SORT1: variants seen among roughly 807,000 people sequenced by gnomAD.
SORT1 encodes the protein sortilin 1, also known as sortilin.
SORT1 carries 39 observed loss-of-function variants against 101.7 expected under a neutral mutation model. The observed-to-expected ratio is 0.38, with a 90% confidence interval of 0.30 to 0.50. The LOEUF is 0.50. SORT1 is among the 20% of genes least tolerant of loss of function. The pLI is 0.90. For missense variants in SORT1, 878 were observed against 1,040.4 expected, an observed-to-expected ratio of 0.84 and a Z score of 2.15; for synonymous variants, 396 against 393.7, an observed-to-expected ratio of 1.01 and a Z score of -0.07.
At position 109,313,912 on chromosome 1, in the gene SORT1, T is replaced by G. The variant is rs565283574; in HGVS notation, c.*131A>C. Reference sequence around the variant, plus strand: ...TTTCTTTAGTGTAGGTCCTTTTGGCTTTGATGGAAGCAGCAGAAACAGAGC... The same window carrying G: ...TTTCTTTAGTGTAGGTCCTTTTGGCGTTGATGGAAGCAGCAGAAACAGAGC... On this transcript the variant is annotated 3_prime_UTR_variant, in exon 20 of 20. Transcript: ENST00000256637. The G allele has an allele frequency of 1.9e-4, 134 of 693,948 alleles. No homozygotes were observed. Among genetic ancestry groups the G allele is most frequent in the African/African-American group, 1.9e-3 (104 of 54,086 alleles). 43.0% of individuals were successfully genotyped at this position (693,948 alleles called of 1,614,324 possible). A position where few individuals can be genotyped will look rare whatever the true frequency, so the allele number is the denominator to read the frequency against.
intron 8 of SORT1, among the ~76,000 whole-genome samples, chr1:109,345,060 C>T (rs778162971): frequency 2.0e-5 from 3 of 152,138 alleles, no homozygotes; most frequent in South Asian, 2.1e-4. Flanking sequence ...GCAGGAAATT[C>T]ATCTGTTTTG....
chr1:109,369,087 G>T (rs980898181), intron 2 of SORT1, among the ~76,000 whole-genome samples: 1 of 152,108 alleles, frequency 6.6e-6, no homozygotes, highest in African/African-American at 2.4e-5. Context: ...TTGGGAGGCT[G>T]AGGCGCGTGG....
At chr1:109,322,841 G>T (rs1647725731) in intron 15 of SORT1, 91 bp downstream of exon 15, 2 of 1,071,706 alleles carry the variant, frequency 1.9e-6, no homozygotes, top group African/African-American at 1.6e-5. Flanking sequence ...CACCCGGCTG[G>T]ATTTCAATAT....
chr1:109,373,967 T>C (rs1651656430), intron 1 of SORT1, among the ~76,000 whole-genome samples: 1 of 152,148 alleles, frequency 6.6e-6, no homozygotes, highest in Non-Finnish European at 1.5e-5. Flanking sequence ...CACATGCTTG[T>C]AGCCCTCGCT....
intron 10 of SORT1, among the ~76,000 whole-genome samples, chr1:109,338,248 C>CTGTGCA (rs1406698338): frequency 6.6e-6 from 1 of 152,054 alleles, no homozygotes. Flanking sequence ...AAACTCTAAT[C>CTGTGCA]TGTGCATGTG....
rs190886762 is a variant in SORT1 at position 109,311,502 on chromosome 1, G to A, written c.*2541C>T. On this transcript the variant is annotated 3_prime_UTR_variant, in exon 20 of 20. Coordinates refer to ENST00000256637, the MANE Select transcript of SORT1 (RefSeq NM_002959.7). ...TAAAGAAAGCTAACTAGCCAATAAT[G>A]AGAATGAGCCAGGCTGGCTGTCAGT... The A allele has an allele frequency of 6.6e-6, 1 of 152,348 alleles. No homozygotes were observed. Among genetic ancestry groups the A allele is most frequent in the Non-Finnish European group, 1.5e-5 (1 of 68,024 alleles). The allele number at this position is 152,348 out of a possible 1,614,324, so 9.4% of individuals were successfully genotyped here. A position where few individuals can be genotyped will look rare whatever the true frequency, so the allele number is the denominator to read the frequency against.
intron 13 of SORT1, 37 bp from the exon 14 acceptor site, chr1:109,325,126 T>A: frequency 1.4e-6 from 2 of 1,459,866 alleles, no homozygotes; most frequent in African/African-American, 2.8e-5. Context: ...TGACAGAGGA[T>A]CAATGTGTAC....
chr1:109,373,300 G>T (rs1029692729), intron 1 of SORT1, among the ~76,000 whole-genome samples: 1 of 152,054 alleles, frequency 6.6e-6, no homozygotes, highest in East Asian at 1.9e-4. Flanking sequence ...ATATCGTCTG[G>T]GGAGGCCAAA....
chr1:109,390,157 C>T (rs778116573), intron 1 of SORT1, among the ~76,000 whole-genome samples: 1 of 152,222 alleles, frequency 6.6e-6, no homozygotes, highest in Non-Finnish European at 1.5e-5. Context: ...AAAATCACCT[C>T]CACTTTGATT....
chr1:109,324,692 A>G (rs1296699110), intron 14 of SORT1, among the ~76,000 whole-genome samples: 2 of 152,072 alleles, frequency 1.3e-5, no homozygotes, highest in Non-Finnish European at 2.9e-5. Flanking sequence ...TGGCCCTCAT[A>G]TTTCTCCTGG....
intron 13 of SORT1, among the ~76,000 whole-genome samples, chr1:109,326,456 T>TAC (rs1557784345): frequency 6.6e-5 from 2 of 30,310 alleles, no homozygotes; most frequent in Non-Finnish European, 1.3e-4. Flanking sequence ...TATATATATA[T>TAC]ATATATATAC....
intron 11 of SORT1, among the ~76,000 whole-genome samples, chr1:109,335,610 T>G (rs1648757593): frequency 8.5e-6 from 1 of 117,298 alleles, no homozygotes; most frequent in Non-Finnish European, 2.1e-5. Flanking sequence ...ACTCCAGCTG[T>G]CCCCCAAGCT....
chr1:109,354,839 C>A (rs1650202916), intron 4 of SORT1, among the ~76,000 whole-genome samples: 1 of 152,132 alleles, frequency 6.6e-6, no homozygotes, highest in Non-Finnish European at 1.5e-5. Flanking sequence ...GCAACTGCTG[C>A]ATAATTATTA....
intron 8 of SORT1, among the ~76,000 whole-genome samples, chr1:109,343,196 G>A (rs1649345657): frequency 6.6e-6 from 1 of 152,132 alleles, no homozygotes; most frequent in East Asian, 1.9e-4. Flanking sequence ...AGCTCACAGG[G>A]TTATTGGGAG....
At chr1:109,356,486 T>C (rs1051759372) in intron 3 of SORT1, among the ~76,000 whole-genome samples, 1 of 152,162 alleles carries the variant, frequency 6.6e-6, no homozygotes, top group Non-Finnish European at 1.5e-5. Context: ...CTGTACTTAG[T>C]TACAGAATCA....
intron 1 of SORT1, among the ~76,000 whole-genome samples, chr1:109,387,297 A>T (rs970187839): frequency 1.3e-5 from 2 of 152,032 alleles, no homozygotes; most frequent in African/African-American, 4.8e-5. Flanking sequence ...AGTCTCAAAA[A>T]ATAAATAAAT....
intron 10 of SORT1, 53 bp downstream of exon 10, chr1:109,340,671 T>C: frequency 1.9e-6 from 3 of 1,594,630 alleles, no homozygotes; most frequent in South Asian, 1.1e-5. Context: ...AAGCCTCAAA[T>C]CCTACCACAT....
chr1:109,361,669 T>C (rs1650729782), intron 3 of SORT1, among the ~76,000 whole-genome samples: 1 of 152,250 alleles, frequency 6.6e-6, no homozygotes, highest in Non-Finnish European at 1.5e-5. Context: ...AAAAATATTA[T>C]TGTTTTGTGG....
chr1:109,314,977 T>C (rs1296890010), intron 17 of SORT1, among the ~76,000 whole-genome samples, 199 bp from the exon 18 acceptor site: 1 of 152,242 alleles, frequency 6.6e-6, no homozygotes, highest in African/African-American at 2.4e-5. Context: ...GAGAGTCATC[T>C]TAGCTCCAAC....
Sources: allele counts gnomAD v4.1 joint callset (sites outside exome capture counted in the v4.1 genomes callset), GRCh38; gene constraint gnomAD v4.1.1; transcripts MANE v1.5; gene names NCBI Gene and HGNC (gene_info 2026-07-23, HGNC 2026-07-21).